TBC1D5: variants seen among roughly 807,000 people sequenced by gnomAD.
TBC1D5 encodes TBC1 domain family, member 5.
In TBC1D5, 75 loss-of-function variants were observed where a neutral mutation model predicts 100.3. The ratio of observed to expected loss-of-function variants is 0.75; its 90% CI spans 0.62 to 0.91. The LOEUF is 0.91. Ranked by LOEUF, TBC1D5 falls within the 40% of genes least tolerant of loss-of-function variation. The pLI, the probability that TBC1D5 is intolerant of heterozygous loss-of-function variation, is 0.00. For synonymous variants in TBC1D5, 323 were observed against 325.6 expected (o/e 0.99, Z 0.09); for missense variants, 910 against 942.4 (o/e 0.97, Z 0.45).
At chr3:17,229,231 T>C (rs752934486) in intron 17 of TBC1D5, among the ~76,000 whole-genome samples, 3 of 152,086 alleles carry the variant, frequency 2.0e-5, no homozygotes, top group Non-Finnish European at 4.4e-5. Flanking sequence ...TGACTTTATA[T>C]AGTGACCAAG....
At chr3:17,448,459 T>C (rs1356455392) in intron 3 of TBC1D5, among the ~76,000 whole-genome samples, 3 of 152,210 alleles carry the variant, frequency 2.0e-5, no homozygotes, top group Admixed American at 2.0e-4. Context: ...ATCAGAGGAA[T>C]CACTATCTAT....
chr3:17,274,951 C>T (rs1319182694), intron 15 of TBC1D5, among the ~76,000 whole-genome samples: 1 of 152,076 alleles, frequency 6.6e-6, no homozygotes, highest in Non-Finnish European at 1.5e-5. Flanking sequence ...GTAAACACTA[C>T]TGAAGATAAA....
chr3:17,409,117 T>G (rs1469916193), intron 4 of TBC1D5, among the ~76,000 whole-genome samples: 1 of 152,198 alleles, frequency 6.6e-6, no homozygotes, highest in Non-Finnish European at 1.5e-5. Flanking sequence ...TCACAGGTAC[T>G]GCATTTTAAT....
At position 17,632,772 on chromosome 3, in the gene TBC1D5, C is replaced by T. The variant is rs57087985; in HGVS notation, c.-100-8859G>A. Among the ~76,000 whole-genome samples the T allele has an allele frequency of 4.9e-3, 740 of 152,060 alleles. 3 individuals carry two copies. Among genetic ancestry groups the T allele is most frequent in the African/African-American group, 0.017 (691 of 41,458 alleles). On this transcript the variant is annotated intron_variant, in intron 1 of 21. Transcript: ENST00000253692. ...CTTTTTTTTAAAATTAAGGTATGTA[C>T]GTTGTTTTTTACACATAATGCTATT...
Position 17,191,077 on chromosome 3 carries a change from T to A in TBC1D5, c.1753-5869A>T, listed in dbSNP as rs891150668. On this transcript the variant is annotated intron_variant, in intron 18 of 21. Coordinates refer to ENST00000253692, the Ensembl canonical transcript of TBC1D5. ...CAGAGGAAGATACCACCAGAAAAAA[T>A]AGAAGAAGAGCACAAAGAAGACTTT... Among the ~76,000 whole-genome samples, 4 of 151,932 alleles carry A rather than the reference T, an allele frequency of 2.6e-5. No homozygotes were observed. The East Asian group carries it at 7.7e-4, about 29-fold the overall frequency.
chr3:17,363,762 T>C (rs1368159125), intron 13 of TBC1D5, among the ~76,000 whole-genome samples: 2 of 152,026 alleles, frequency 1.3e-5, no homozygotes, highest in Admixed American at 1.3e-4. Context: ...GTACTGGCCA[T>C]TGTTAATTTT....
At chr3:17,169,220 G>A (rs1328912599) in intron 19 of TBC1D5, among the ~76,000 whole-genome samples, 1 of 152,158 alleles carries the variant, frequency 6.6e-6, no homozygotes, top group Non-Finnish European at 1.5e-5. Context: ...TAAACTCCAA[G>A]GTGTTCTTGC....
At chr3:17,258,706 G>A (rs954411493) in intron 15 of TBC1D5, 115 bp from the exon 16 acceptor site, 58 of 676,346 alleles carry the variant, frequency 8.6e-5, no homozygotes, top group Non-Finnish European at 1.2e-4. Context: ...ATAATATAAA[G>A]TTTAATAATT....
chr3:17,367,371 A>C (rs1034394071), intron 13 of TBC1D5, among the ~76,000 whole-genome samples: 6 of 152,208 alleles, frequency 3.9e-5, no homozygotes, highest in African/African-American at 1.4e-4. Context: ...CCAAGTGATG[A>C]AATCTCAGGA....
At chr3:17,725,300 A>G (rs185012711) in intron 1 of TBC1D5, among the ~76,000 whole-genome samples, 2 of 152,090 alleles carry the variant, frequency 1.3e-5, no homozygotes, top group East Asian at 3.9e-4. Flanking sequence ...AGCTTGAGGG[A>G]TTTTTTTGGT....
intron 12 of TBC1D5, among the ~76,000 whole-genome samples, chr3:17,373,619 G>A (rs187619921): frequency 4.6e-5 from 7 of 152,162 alleles, no homozygotes; most frequent in Admixed American, 2.0e-4. Context: ...AATGTCCATC[G>A]ACTGATGTAT....
intron 16 of TBC1D5, among the ~76,000 whole-genome samples, chr3:17,255,540 C>G (rs1003133791): frequency 6.6e-6 from 1 of 152,052 alleles, no homozygotes; most frequent in Non-Finnish European, 1.5e-5. Flanking sequence ...ATTCTTCATA[C>G]ATTAATGATA....
At chr3:17,445,553 T>C (rs764802868) in intron 3 of TBC1D5, among the ~76,000 whole-genome samples, 5 of 152,198 alleles carry the variant, frequency 3.3e-5, no homozygotes, top group Non-Finnish European at 5.9e-5. Context: ...GTGGTCTTGC[T>C]TTCCGTAGTT....
At position 17,189,309 on chromosome 3, in the gene TBC1D5, C is replaced by T. The variant is rs189781333; in HGVS notation, c.1753-4101G>A. Among the ~76,000 whole-genome samples, 10 of 152,196 alleles carry T rather than the reference C, an allele frequency of 6.6e-5. No individual in the cohort carries two copies. In the East Asian group the frequency reaches 1.9e-3, roughly 29 times the overall value. On this transcript the variant is annotated intron_variant, in intron 18 of 21. Transcript: ENST00000253692. ...GCTTTAAAACCTTTATGTAGCTTAG[C>T]CCAGAAAGATTAATTAAAGCTTAAG...
rs76066320 is a variant in TBC1D5 at position 17,254,250 on chromosome 3, T to A, written c.1331+4256A>T. The stretch of plus-strand genomic sequence containing the variant: ...TAAACACTTAGAAATTAAACTGCTA[T>A]ATTACAGGATATATGTTTAACTTCA... On this transcript the variant is annotated intron_variant, in intron 16 of 21. Transcript: ENST00000253692. Among the ~76,000 whole-genome samples the A allele has an allele frequency of 2.2e-3, 330 of 152,358 alleles. 9 individuals are homozygous for A. In the East Asian group the frequency reaches 0.051, roughly 23 times the overall value.
At chr3:17,315,012 G>A (rs2084504358) in intron 13 of TBC1D5, among the ~76,000 whole-genome samples, 1 of 152,210 alleles carries the variant, frequency 6.6e-6, no homozygotes, top group African/African-American at 2.4e-5. Context: ...CTGCCACTGT[G>A]CCCAGAGATA....
At chr3:17,627,453 CA>C (rs1034645954) in intron 1 of TBC1D5, among the ~76,000 whole-genome samples, 8 of 152,028 alleles carry the variant, frequency 5.3e-5, no homozygotes, top group Non-Finnish European at 1.0e-4. Flanking sequence ...ACTACACTAA[CA>C]AAATCTATAA....
intron 3 of TBC1D5, among the ~76,000 whole-genome samples, chr3:17,498,176 G>C (rs2095739005): frequency 6.6e-6 from 1 of 151,854 alleles, no homozygotes; most frequent in Non-Finnish European, 1.5e-5. Flanking sequence ...TAATATTCCT[G>C]CCCTTGTGCT....
At chr3:17,344,107 C>T (rs1425739767) in intron 13 of TBC1D5, among the ~76,000 whole-genome samples, 1 of 151,918 alleles carries the variant, frequency 6.6e-6, no homozygotes, top group East Asian at 1.9e-4. Context: ...GCATTTAGTG[C>T]TATAAATTTC....
Sources: allele counts gnomAD v4.1 joint callset (sites outside exome capture counted in the v4.1 genomes callset), GRCh38; gene constraint gnomAD v4.1.1; transcripts MANE v1.5; gene names NCBI Gene and HGNC (gene_info 2026-07-23, HGNC 2026-07-21).